The following SEC23IP variants were observed in gnomAD, a reference collection of about 807,000 sequenced individuals.
SEC23IP encodes SEC23 interacting protein.
In SEC23IP, 70 loss-of-function variants were observed where a neutral mutation model predicts 113.4. The ratio of observed to expected loss-of-function variants is 0.62; its 90% CI spans 0.51 to 0.75. SEC23IP has a LOEUF of 0.75. SEC23IP is among the 30% of genes least tolerant of loss of function. The probability of loss-of-function intolerance (pLI) is 0.00; values close to 1 mark genes in which losing one functional copy is unlikely to be tolerated. For missense variants in SEC23IP, 1,160 were observed against 1,204.9 expected, an observed-to-expected ratio of 0.96 and a Z score of 0.55; for synonymous variants, 398 against 421.0, an observed-to-expected ratio of 0.95 and a Z score of 0.67.
Position 119,919,445 on chromosome 10 carries a change from T to A in SEC23IP, c.1874T>A (p.Met625Lys). Residue 625 changes from methionine (M) to lysine (K), a missense_variant and splice_region_variant, in exon 11 of 19, where the codon ATG becomes AAG. Coordinates refer to ENST00000369075, the MANE Select transcript of SEC23IP (RefSeq NM_007190.4). The part of the protein sequence containing the change: ...VKQLHFQEKQ[M>K]PEEPKLTLDE... ...TTTTTCATACTTTTTTTTTTAAAGA[T>A]GCCTGAAGAGCCAAAGCTGACTTTG... 1 of 1,590,056 alleles carries A rather than the reference T, an allele frequency of 6.3e-7. No homozygotes were observed.
intron 17 of SEC23IP, 28 bp from the exon 18 acceptor site, chr10:119,933,656 CTT>C: frequency 2.4e-6 from 3 of 1,232,164 alleles, no homozygotes; most frequent in Non-Finnish European, 3.6e-6. Context: ...CTAATTGTCT[CTT>C]AAGTAAATAT....
rs41287948 is a variant in SEC23IP at position 119,892,754 on chromosome 10, A to G, written c.-29A>G. The stretch of plus-strand genomic sequence containing the variant: ...CAGTGGTGTGGTACCGGGTACCCGG[A>G]GACGTGTATCGGACGGTGGGCCGCA... On this transcript the variant is annotated 5_prime_UTR_variant, in exon 1 of 19. Coordinates refer to ENST00000369075, the MANE Select transcript of SEC23IP (RefSeq NM_007190.4). 0.018 allele frequency: 27,780 copies of G among 1,584,574 alleles called. 310 individuals carry two copies. Among genetic ancestry groups the G allele is most frequent in the Middle Eastern group, 0.045 (259 of 5,762 alleles).
In SEC23IP at chr10:119,926,151, A is replaced by AGAG. The variant is rs1184453422; in HGVS notation, c.2240_2242dup (p.Arg747dup). On this transcript the variant is annotated inframe_insertion, in exon 13 of 19. Coordinates refer to ENST00000369075, the MANE Select transcript of SEC23IP (RefSeq NM_007190.4). The stretch of plus-strand genomic sequence containing the variant: ...CTCCCCTCAGAATCCAATGAGCCAA[A>AGAG]GAGGAAACTTCCAGTTGGTGCTTGC... 6.2e-7 allele frequency: 1 copy of AGAG among 1,614,144 alleles called. No individual in the cohort carries two copies. The highest frequency in any genetic ancestry group is 1.1e-5 in the South Asian group (1 of 91,088).
chr10:119,928,795 A>T (rs1309973579), intron 13 of SEC23IP, among the ~76,000 whole-genome samples: 3 of 152,262 alleles, frequency 2.0e-5, no homozygotes, highest in Non-Finnish European at 4.4e-5. Context: ...TAAGCTACTC[A>T]AAATGTGCTC....
chr10:119,943,659 G>C lies in SEC23IP; in HGVS notation c.*3094G>C, dbSNP rs1420606880. The C allele has an allele frequency of 6.6e-6, 1 of 152,170 alleles. No homozygotes were observed. The highest frequency in any genetic ancestry group is 6.5e-5 in the Admixed American group (1 of 15,274). 9.4% of individuals were successfully genotyped at this position (152,170 alleles called of 1,614,324 possible). A position where few individuals can be genotyped will look rare whatever the true frequency, so the allele number is the denominator to read the frequency against. ...ATTTCCCGAATGTATTGGTCCCAGAGAACACTGAAAATAATGTCATGTTGT... is the reference window on the plus strand; with the variant it reads ...ATTTCCCGAATGTATTGGTCCCAGACAACACTGAAAATAATGTCATGTTGT... On this transcript the variant is annotated 3_prime_UTR_variant, in exon 19 of 19. Coordinates refer to ENST00000369075, the MANE Select transcript of SEC23IP (RefSeq NM_007190.4).
At chr10:119,908,473 G>A (rs1854752217) in intron 4 of SEC23IP, among the ~76,000 whole-genome samples, 1 of 152,200 alleles carries the variant, frequency 6.6e-6, no homozygotes, top group African/African-American at 2.4e-5. Flanking sequence ...GATGTAATTA[G>A]TTAAGGTGAG....
chr10:119,904,059 GA>G, intron 3 of SEC23IP, 24 bp from the exon 4 acceptor site: 1 of 1,609,842 alleles, frequency 6.2e-7, no homozygotes, highest in Non-Finnish European at 8.5e-7. Context: ...CAGCAGTTAG[GA>G]AAAGTGTTAA....
At chr10:119,901,802 T>C (rs1307834169) in intron 2 of SEC23IP, among the ~76,000 whole-genome samples, 2 of 152,134 alleles carry the variant, frequency 1.3e-5, no homozygotes, top group Non-Finnish European at 2.9e-5. Context: ...TTCTCCTGCC[T>C]CAGCCTCCCA....
intron 2 of SEC23IP, among the ~76,000 whole-genome samples, chr10:119,901,149 A>C (rs189375134): frequency 1.5e-4 from 22 of 151,668 alleles, no homozygotes; most frequent in Admixed American, 3.9e-4. Context: ...CTGGGACTAC[A>C]AGTGTGCCCC....
At chr10:119,914,661 A>G (rs1854987226) in intron 6 of SEC23IP, 69 bp from the exon 7 acceptor site, 1 of 1,254,426 alleles carries the variant, frequency 8.0e-7, no homozygotes, top group African/African-American at 1.5e-5. Flanking sequence ...GGATATCTAG[A>G]ATATTGCCAT....
chr10:119,902,700 A>G (rs1003525118), intron 2 of SEC23IP, 99 bp from the exon 3 acceptor site: 3 of 922,534 alleles, frequency 3.3e-6, no homozygotes, highest in Admixed American at 2.2e-5. Flanking sequence ...TTGTCCAGAT[A>G]TACATGTAGG....
chr10:119,892,990 G>T (rs1453078400), intron 1 of SEC23IP, 45 bp downstream of exon 1: 3 of 1,578,838 alleles, frequency 1.9e-6, no homozygotes, highest in East Asian at 4.5e-5. Context: ...AGGCGGGCGG[G>T]GGACGTGCAA....
intron 1 of SEC23IP, among the ~76,000 whole-genome samples, chr10:119,895,217 C>T (rs2134445676): frequency 6.6e-6 from 1 of 152,186 alleles, no homozygotes; most frequent in South Asian, 2.1e-4. Context: ...AACCCCATCT[C>T]AACTAAAAAC....
At chr10:119,904,721 G>A (rs1854608312) in intron 4 of SEC23IP, 1 of 155,240 alleles carries the variant, frequency 6.4e-6, no homozygotes, top group African/African-American at 2.4e-5. Flanking sequence ...ATTATATGTT[G>A]TTTTATATAA....
At chr10:119,926,427 C>T (rs981095615) in intron 13 of SEC23IP, among the ~76,000 whole-genome samples, 200 bp downstream of exon 13, 3 of 152,186 alleles carry the variant, frequency 2.0e-5, no homozygotes, top group Non-Finnish European at 4.4e-5. Context: ...AACGTGTTGT[C>T]TAACTTTTGA....
rs1044752109 is a variant in SEC23IP at position 119,944,592 on chromosome 10, G to A, written c.*4027G>A. On this transcript the variant is annotated 3_prime_UTR_variant, in exon 19 of 19. Transcript: ENST00000369075. ...CTGAAGAAATTATGTTGTTAAGCAC[G>A]AAATGCAGAGAGAGAGCTATGTGAA... 6.6e-6 allele frequency: 1 copy of A among 152,198 alleles called. No homozygotes were observed. Among genetic ancestry groups the A allele is most frequent in the African/African-American group, 2.4e-5 (1 of 41,452 alleles). 9.4% of individuals were successfully genotyped at this position (152,198 alleles called of 1,614,324 possible). A position where few individuals can be genotyped will look rare whatever the true frequency, so the allele number is the denominator to read the frequency against.
chr10:119,939,984 A>G lies in SEC23IP; in HGVS notation c.*21-602A>G, dbSNP rs954635191. ...AGTGCTGGGATTACAGGCGTGAGCC[A>G]CAACACTTGGCCATAACTAACTTTA... is the stretch of plus-strand genomic sequence containing the variant. On this transcript the variant is annotated intron_variant, in intron 18 of 18. Coordinates refer to ENST00000369075, the MANE Select transcript of SEC23IP (RefSeq NM_007190.4). 6.6e-5 allele frequency among the ~76,000 whole-genome samples: 10 copies of G among 152,264 alleles called. No individual in the cohort carries two copies. In the East Asian group the frequency reaches 1.9e-3, roughly 30 times the overall value.
At position 119,916,323 on chromosome 10, in the gene SEC23IP, C is replaced by T. The variant is rs563906399; in HGVS notation, c.1544+434C>T. On this transcript the variant is annotated intron_variant, in intron 8 of 18. Transcript: ENST00000369075. ...ATGCTCTTGTCAGGACAATTCTTTGCTGTCGCAGTGCAGACCACTTAACTT... is the reference window on the plus strand; with the variant it reads ...ATGCTCTTGTCAGGACAATTCTTTGTTGTCGCAGTGCAGACCACTTAACTT... Among the ~76,000 whole-genome samples the T allele has an allele frequency of 1.8e-4, 27 of 152,330 alleles. 1 individual carries two copies. In the East Asian group the frequency reaches 2.3e-3, roughly 13 times the overall value.
At chr10:119,909,349 C>T (rs979309570) in intron 5 of SEC23IP, among the ~76,000 whole-genome samples, 2 of 152,066 alleles carry the variant, frequency 1.3e-5, no homozygotes, top group Admixed American at 6.6e-5. Flanking sequence ...TTTCGTAGGG[C>T]GAGGTGCACA....
Sources: gnomAD v4.1 joint callset for allele counts (sites outside exome capture counted in the v4.1 genomes callset) on GRCh38, gnomAD v4.1.1 for gene constraint, MANE v1.5 for transcripts, NCBI Gene and HGNC (gene_info 2026-07-23, HGNC 2026-07-21) for gene names.